Variants in VSX1 observed in about 807,000 individuals in gnomAD.
The protein encoded by VSX1 is visual system homeobox 1.
VSX1 carries 23 observed loss-of-function variants against 23.6 expected under a neutral mutation model. The observed-to-expected ratio is 0.97, with a 90% CI of 0.70 to 1.38. VSX1 has a LOEUF of 1.38. Ranked by LOEUF, VSX1 falls within the 40% of genes most tolerant of loss-of-function variation. The probability of loss-of-function intolerance (pLI) is 0.00; values close to 1 mark genes in which losing one functional copy is unlikely to be tolerated. For missense variants in VSX1, 517 were observed against 495.4 expected, an observed-to-expected ratio of 1.04 and a Z score of -0.41; for synonymous variants, 247 against 215.1, an observed-to-expected ratio of 1.15 and a Z score of -1.30.
At chr20:25,071,107 C>T (rs1287843648), downstream of VSX1, 1 of 454,024 alleles carries the variant, frequency 2.2e-6, no homozygotes, top group South Asian at 1.6e-5. Flanking sequence ...AGGAGACGAC[C>T]ACAGCTGGTG....
At chr20:25,081,279 C>G (rs1410974083) in intron 1 of VSX1, among the ~76,000 whole-genome samples, 2 of 152,256 alleles carry the variant, frequency 1.3e-5, no homozygotes, top group African/African-American at 4.8e-5. Flanking sequence ...TTGTTCGGTG[C>G]TGCTGGTGAC....
downstream of VSX1, among the ~76,000 whole-genome samples, chr20:25,073,176 G>A (rs920660049): frequency 3.3e-5 from 5 of 151,966 alleles, no homozygotes; most frequent in Admixed American, 1.3e-4. Context: ...TTTTAAAAGC[G>A]TTTTTGTCTC....
intron 4 of VSX1, 102 bp downstream of exon 4, chr20:25,077,583 C>T: frequency 1.5e-6 from 2 of 1,366,712 alleles, no homozygotes; most frequent in African/African-American, 1.4e-5. Flanking sequence ...AGTAAACTGA[C>T]GTTGCTTTGC....
downstream of VSX1, chr20:25,075,286 T>A (rs6037014): frequency 0.29 from 44,335 of 152,008 alleles, 7,412 homozygotes; most frequent in African/African-American, 0.44. Flanking sequence ...CCAAAGAGTG[T>A]ATCAGACACA....
At chr20:25,081,162 C>T (rs6050304) in intron 1 of VSX1, among the ~76,000 whole-genome samples, 44,382 of 152,146 alleles carry the variant, frequency 0.29, 7,423 homozygotes, top group African/African-American at 0.44. Context: ...CCCGGGACTC[C>T]CTTTTCAGCA....
At chr20:25,078,010 G>A in intron 3 of VSX1, 145 bp from the exon 4 acceptor site, 1 of 1,143,942 alleles carries the variant, frequency 8.7e-7, no homozygotes, top group South Asian at 1.4e-5. Context: ...GCTCCCGAGG[G>A]CCAACCAGCC....
rs1286337512 is a variant in VSX1 at position 25,075,912 on chromosome 20, C to G, written c.*349G>C. The G allele has an allele frequency of 3.2e-6, 1 of 310,712 alleles. No homozygotes were observed. The highest frequency in any genetic ancestry group is 2.2e-5 in the African/African-American group (1 of 46,242). The allele number at this position is 310,712 out of a possible 1,614,324, so 19.2% of individuals were successfully genotyped here. On this transcript the variant is annotated 3_prime_UTR_variant, in exon 5 of 5. Transcript: ENST00000376709. The stretch of plus-strand genomic sequence containing the variant: ...TGAGAATGAGGACATCAGACCTAAC[C>G]TATTCATCTATACAGTACATTGAAC...
chr20:25,071,895 G>A (rs1477558669), downstream of VSX1: 1 of 710,064 alleles, frequency 1.4e-6, no homozygotes, highest in Non-Finnish European at 2.6e-6. Context: ...TCTCCAGAGG[G>A]GCAGACTTTA....
downstream of VSX1, chr20:25,071,832 G>T: frequency 1.4e-6 from 1 of 713,416 alleles, no homozygotes; most frequent in South Asian, 1.5e-5. Context: ...CATCAAGGAT[G>T]ACACAGGAAA....
At chr20:25,079,965 A>C (rs2089605680) in intron 1 of VSX1, among the ~76,000 whole-genome samples, 1 of 152,056 alleles carries the variant, frequency 6.6e-6, no homozygotes, top group Non-Finnish European at 1.5e-5. Context: ...CTCTACACCA[A>C]CATTTCCCAA....
chr20:25,076,061 C>G lies in VSX1; in HGVS notation c.*200G>C. ...AACTGGTTAAAGTGCCATTAAGGAA[C>G]CGTTTCCATTCTAGAATGAAATAGA... is the stretch of plus-strand genomic sequence containing the variant. On this transcript the variant is annotated 3_prime_UTR_variant, in exon 5 of 5. Coordinates refer to ENST00000376709, the MANE Select transcript of VSX1 (RefSeq NM_014588.6). 1 of 692,308 alleles carries G rather than the reference C, an allele frequency of 1.4e-6. No homozygotes were observed. The highest frequency in any genetic ancestry group is 2.7e-5 in the East Asian group (1 of 36,416). 42.9% of individuals were successfully genotyped at this position (692,308 alleles called of 1,614,324 possible).
intron 3 of VSX1, 78 bp from the exon 4 acceptor site, chr20:25,077,943 C>G (rs1477269136): frequency 6.7e-7 from 1 of 1,500,134 alleles, no homozygotes; most frequent in Non-Finnish European, 9.1e-7. Context: ...GAGGCGGCGT[C>G]CCAGGGCTCG....
intron 1 of VSX1, among the ~76,000 whole-genome samples, chr20:25,079,865 C>T (rs970706204): frequency 3.3e-5 from 5 of 152,072 alleles, no homozygotes; most frequent in African/African-American, 1.2e-4. Context: ...TTATCTGAAG[C>T]CAAAACTACT....
chr20:25,078,037 C>T (rs928892834), intron 3 of VSX1, 172 bp from the exon 4 acceptor site: 12 of 830,548 alleles, frequency 1.4e-5, no homozygotes, highest in Non-Finnish European at 2.3e-5. Context: ...AGGGAGAGCG[C>T]CCAGGAGCCC....
At chr20:25,078,977 G>A (rs774907311) in intron 2 of VSX1, 25 bp from the exon 3 acceptor site, 7 of 1,612,824 alleles carry the variant, frequency 4.3e-6, no homozygotes, top group Non-Finnish European at 5.9e-6. Flanking sequence ...AAACACACAG[G>A]TGGGCACATG....
rs1393720771 is a variant in VSX1, at chr20:25,077,793, C to G, written c.700G>C (p.Glu234Gln). The change falls in exon 4 of 5, where the codon GAG becomes CAG. Residue 234 changes from glutamate (E) to glutamine (Q), a missense_variant. By Grantham distance (29) the Glu-to-Gln change is conservative. Coordinates refer to ENST00000376709, the MANE Select transcript of VSX1 (RefSeq NM_014588.6). ...ACCATGGCCCCGTACAGCCCGTACT[C>G]GGCCATCACGCTGCTGCCGCCCCAG... Reference protein sequence around the residue: ...KRWGGSSVMAEYGLYGAMVRH... With the variant: ...KRWGGSSVMAQYGLYGAMVRH... 30 of 1,551,048 alleles carry G rather than the reference C, an allele frequency of 1.9e-5. No individual in the cohort carries two copies. Among genetic ancestry groups the G allele is most frequent in the Non-Finnish European group, 2.4e-5 (28 of 1,147,042 alleles).
intron 1 of VSX1, among the ~76,000 whole-genome samples, 165 bp from the exon 2 acceptor site, chr20:25,079,679 C>T (rs989187504): frequency 6.6e-6 from 1 of 150,774 alleles, no homozygotes; most frequent in Non-Finnish European, 1.5e-5. Flanking sequence ...CTGTGCTTAA[C>T]ACTGTCCATA....
At chr20:25,071,710 T>C (rs1226139370), downstream of VSX1, 2 of 668,532 alleles carry the variant, frequency 3.0e-6, no homozygotes, top group South Asian at 1.5e-5. Context: ...CAGCTGGTAA[T>C]AGATACGGAA....
Position 25,076,135 on chromosome 20 carries a change from T to A in VSX1, c.*126A>T. 2.9e-6 allele frequency: 4 copies of A among 1,401,054 alleles called. No individual in the cohort carries two copies. Among genetic ancestry groups the A allele is most frequent in the Non-Finnish European group, 4.0e-6 (4 of 1,001,272 alleles). The allele number at this position is 1,401,054 out of a possible 1,614,324, so 86.8% of individuals were successfully genotyped here. The stretch of plus-strand genomic sequence containing the variant: ...TCCTCTTAAAGCAAGTGGCATTGCA[T>A]TTTATCTTGACATTGTCAGAAGAAA... On this transcript the variant is annotated 3_prime_UTR_variant, in exon 5 of 5. Transcript: ENST00000376709.
Sources: allele counts gnomAD v4.1 joint callset (sites outside exome capture counted in the v4.1 genomes callset), GRCh38; gene constraint gnomAD v4.1.1; transcripts MANE v1.5; gene names NCBI Gene and HGNC (gene_info 2026-07-23, HGNC 2026-07-21).